FOXP2: variants seen among roughly 807,000 people sequenced by gnomAD.
FOXP2 encodes forkhead box protein P2.
In FOXP2, 12 loss-of-function variants were observed where a neutral mutation model predicts 115.8. The ratio of observed to expected loss-of-function variants is 0.10; its 90% CI spans 0.07 to 0.17. The LOEUF (loss-of-function observed/expected upper bound fraction) is 0.17. Among genes scored for constraint, FOXP2 ranks in the 10% least tolerant of loss-of-function variants. FOXP2 has a pLI of 1.00. For synonymous variants in FOXP2, 328 were observed against 297.7 expected (o/e 1.10, Z -1.05); for missense variants, 629 against 843.5 (o/e 0.75, Z 3.15).
chr7:114,657,632 G>A (rs533324518), intron 10 of FOXP2, among the ~76,000 whole-genome samples: 13 of 150,306 alleles, frequency 8.6e-5, no homozygotes, highest in African/African-American at 3.2e-4. Context: ...TTGGGACTAC[G>A]AAAAAAAAAA....
At chr7:114,621,148 G>A (rs192232686) in intron 3 of FOXP2, among the ~76,000 whole-genome samples, 1 of 152,052 alleles carries the variant, frequency 6.6e-6, no homozygotes, top group Non-Finnish European at 1.5e-5. Flanking sequence ...GGTTACAACT[G>A]TTCTCGATGA....
chr7:114,552,474 A>G (rs1800257408), intron 3 of FOXP2, among the ~76,000 whole-genome samples: 1 of 152,172 alleles, frequency 6.6e-6, no homozygotes. Flanking sequence ...TCTCAGTAAC[A>G]TATATTTACA....
intron 1 of FOXP2, 67 bp downstream of exon 1, chr7:114,415,427 T>C (rs1175170885): frequency 2.7e-6 from 1 of 376,822 alleles, no homozygotes; most frequent in Non-Finnish European, 5.1e-6. Context: ...TACGATTGCT[T>C]TACTGGTAGA....
At chr7:114,482,750 AAG>A (rs777306375) in intron 2 of FOXP2, among the ~76,000 whole-genome samples, 20 of 151,708 alleles carry the variant, frequency 1.3e-4, no homozygotes, top group Non-Finnish European at 2.7e-4. Context: ...TTTATGAAAT[AAG>A]AGTTAAAAAA....
intron 1 of FOXP2, among the ~76,000 whole-genome samples, chr7:114,117,576 T>C (rs1791444310): frequency 1.3e-5 from 2 of 152,228 alleles, no homozygotes; most frequent in Middle Eastern, 6.8e-3. Context: ...TTTATTACCA[T>C]TGAGAGGGAT....
chr7:114,499,237 T>C (rs1797457551), intron 2 of FOXP2: 1 of 299,304 alleles, frequency 3.3e-6, no homozygotes, highest in East Asian at 6.4e-5. Flanking sequence ...GAGGATTGCA[T>C]GCAGGATACA....
chr7:114,454,311 A>G (rs1055414370), intron 2 of FOXP2, among the ~76,000 whole-genome samples: 60 of 152,210 alleles, frequency 3.9e-4, no homozygotes, highest in African/African-American at 1.3e-3. Context: ...AATCAAAACC[A>G]CTGTGAGATA....
In FOXP2 at chr7:114,148,495, A is replaced by G. The variant is rs933999806; in HGVS notation, c.-246-14449A>G. Among the ~76,000 whole-genome samples the G allele has an allele frequency of 6.4e-4, 98 of 152,258 alleles. 1 individual carries two copies. The highest frequency in any genetic ancestry group is 2.3e-3 in the African/African-American group (95 of 41,562). ...TCAGTCTTTTCCCACTCACATATTT[A>G]GATGCCCAAATGCTCGTATTAATAA... is the stretch of plus-strand genomic sequence containing the variant. On this transcript the variant is annotated intron_variant, in intron 1 of 19. Coordinates refer to the FOXP2 transcript ENST00000635638.
At chr7:114,577,903 A>G (rs1175010470) in intron 3 of FOXP2, among the ~76,000 whole-genome samples, 1 of 151,976 alleles carries the variant, frequency 6.6e-6, no homozygotes, top group Non-Finnish European at 1.5e-5. Flanking sequence ...CATCTCAGAG[A>G]TAAATTCTCA....
chr7:114,179,539 C>T (rs540222586), intron 1 of FOXP2, among the ~76,000 whole-genome samples: 9 of 151,962 alleles, frequency 5.9e-5, no homozygotes, highest in African/African-American at 9.6e-5. Flanking sequence ...TAAAAATATT[C>T]GGTGAATGAA....
At chr7:114,349,856 A>G (rs1791438406) in intron 2 of FOXP2, among the ~76,000 whole-genome samples, 1 of 152,166 alleles carries the variant, frequency 6.6e-6, no homozygotes, top group Non-Finnish European at 1.5e-5. Context: ...TACACTTAGA[A>G]TGTTTCTAAA....
At chr7:114,341,702 A>AT in intron 2 of FOXP2, among the ~76,000 whole-genome samples, 1 of 151,230 alleles carries the variant, frequency 6.6e-6, no homozygotes, top group African/African-American at 2.4e-5. Context: ...TCTAGGTCTC[A>AT]TTTTTTTCTT....
At chr7:114,639,029 G>A (rs868122968) in intron 6 of FOXP2, among the ~76,000 whole-genome samples, 1 of 152,098 alleles carries the variant, frequency 6.6e-6, no homozygotes, top group Non-Finnish European at 1.5e-5. Flanking sequence ...CAAATGAATA[G>A]TATCATAGAA....
intron 3 of FOXP2, among the ~76,000 whole-genome samples, chr7:114,562,784 T>C (rs1344080805): frequency 6.8e-6 from 1 of 147,932 alleles, no homozygotes; most frequent in Non-Finnish European, 1.5e-5. Context: ...GTTTTTTTTT[T>C]CTTCATCATT....
At chr7:114,387,290 A>G (rs1008927990) in intron 2 of FOXP2, among the ~76,000 whole-genome samples, 6 of 152,176 alleles carry the variant, frequency 3.9e-5, no homozygotes, top group Non-Finnish European at 7.4e-5. Context: ...CAAAATTCTC[A>G]TTGGAGTATT....
intron 1 of FOXP2, among the ~76,000 whole-genome samples, chr7:114,239,041 A>G (rs574498965): frequency 4.5e-4 from 68 of 151,438 alleles, no homozygotes; most frequent in Non-Finnish European, 4.9e-4. Flanking sequence ...TTTCAGTTAT[A>G]GCTTTACAAA....
intron 1 of FOXP2, among the ~76,000 whole-genome samples, chr7:114,112,335 G>C (rs1791291959): frequency 6.6e-6 from 1 of 151,822 alleles, no homozygotes; most frequent in African/African-American, 2.4e-5. Context: ...CAAACTCTGT[G>C]GCCCAGGCTA....
At chr7:114,478,748 G>C (rs1275803887) in intron 2 of FOXP2, among the ~76,000 whole-genome samples, 2 of 151,690 alleles carry the variant, frequency 1.3e-5, no homozygotes, top group South Asian at 2.1e-4. Context: ...TTTTTAAATT[G>C]ATCTCCCTAA....
In FOXP2 at chr7:114,644,663, ACGT is replaced by A. The variant is rs377594557; in HGVS notation, c.990-18_990-16del. On this transcript the variant is annotated intron_variant, in intron 7 of 16. Coordinates refer to ENST00000350908, the MANE Select transcript of FOXP2 (RefSeq NM_014491.4). ...ATTATAGCTTTTTGAGATGAATCTGACGTCGTGTTCTTTTGCTACAGCTCGTCA... is the reference window on the plus strand; with the variant it reads ...ATTATAGCTTTTTGAGATGAATCTGACGTGTTCTTTTGCTACAGCTCGTCA... 7 of 1,593,032 alleles carry A rather than the reference ACGT, an allele frequency of 4.4e-6. No homozygotes were observed. The African/African-American group carries it at 9.4e-5, about 21-fold the overall frequency.
Sources: allele counts gnomAD v4.1 joint callset (sites outside exome capture counted in the v4.1 genomes callset), GRCh38; gene constraint gnomAD v4.1.1; transcripts MANE v1.5; gene names NCBI Gene and HGNC (gene_info 2026-07-23, HGNC 2026-07-21).